Variants in GALNTL5 observed in about 807,000 individuals in gnomAD.
GALNTL5 encodes inactive polypeptide N-acetylgalactosaminyltransferase-like protein 5.
GALNTL5 carries 44 observed loss-of-function variants against 51.0 expected under a neutral mutation model. The ratio of observed to expected loss-of-function variants is 0.86; its 90% CI spans 0.68 to 1.11. GALNTL5 has a LOEUF of 1.11. GALNTL5 is among the 50% of genes least tolerant of loss of function. The pLI is 0.00. For synonymous variants in GALNTL5, 192 were observed against 182.8 expected (o/e 1.05, Z -0.41); for missense variants, 528 against 531.8 (o/e 0.99, Z 0.07).
chr7:152,019,516 A>C, intron 8 of GALNTL5, 130 bp from the exon 9 acceptor site: 1 of 815,928 alleles, frequency 1.2e-6, no homozygotes, highest in South Asian at 1.9e-5. Context: ...CTAGACAGAA[A>C]AAAATTGGGA....
chr7:152,001,216 T>C (rs887039040), intron 5 of GALNTL5, among the ~76,000 whole-genome samples: 4 of 152,006 alleles, frequency 2.6e-5, no homozygotes, highest in African/African-American at 7.3e-5. Flanking sequence ...CCAGCCATTT[T>C]TTTTTTTTCA....
At chr7:151,990,493 A>G (rs1169103202) in intron 5 of GALNTL5, among the ~76,000 whole-genome samples, 1 of 135,844 alleles carries the variant, frequency 7.4e-6, no homozygotes, top group Non-Finnish European at 1.5e-5. Context: ...AGGCAGGAGA[A>G]TGGCGTGAAC....
intron 3 of GALNTL5, among the ~76,000 whole-genome samples, chr7:151,982,322 G>A (rs2081302806): frequency 1.3e-5 from 2 of 152,146 alleles, no homozygotes; most frequent in Non-Finnish European, 2.9e-5. Flanking sequence ...GCTGAGGCAG[G>A]AGAATCGCTT....
chr7:151,990,138 G>A (rs2081409121), intron 5 of GALNTL5, among the ~76,000 whole-genome samples: 1 of 152,028 alleles, frequency 6.6e-6, no homozygotes, highest in East Asian at 2.0e-4. Context: ...CGCCTCCTGG[G>A]TTCAAGTGAT....
At chr7:152,018,081 T>C (rs1586861145) in intron 8 of GALNTL5, among the ~76,000 whole-genome samples, 2 of 152,284 alleles carry the variant, frequency 1.3e-5, no homozygotes, top group East Asian at 3.9e-4. Context: ...CCTGACCTCA[T>C]GATCTGCCTG....
chr7:152,014,523 C>T (rs1444627262), intron 7 of GALNTL5, 121 bp from the exon 8 acceptor site: 2 of 936,606 alleles, frequency 2.1e-6, no homozygotes, highest in African/African-American at 1.7e-5. Flanking sequence ...CTGCCTTGGC[C>T]TCCCAAAATG....
At chr7:152,011,214 G>A (rs182069236) in intron 7 of GALNTL5, among the ~76,000 whole-genome samples, 1 of 152,286 alleles carries the variant, frequency 6.6e-6, no homozygotes, top group African/African-American at 2.4e-5. Flanking sequence ...TTCCATCTGA[G>A]GCCGGCAATG....
rs182649294 is a variant in GALNTL5, at chr7:151,972,780, A to G, written c.368+1715A>G. On this transcript the variant is annotated intron_variant, in intron 3 of 8. Coordinates refer to ENST00000392800, the MANE Select transcript of GALNTL5 (RefSeq NM_145292.4). ...CTTTGGGAGCCTCCACCTAGAATTC[A>G]GAGGATATATGGAAACACCTGGATG... Among the ~76,000 whole-genome samples, 309 of 152,328 alleles carry G rather than the reference A, an allele frequency of 2.0e-3. 4 individuals are homozygous for G. In the Middle Eastern group the frequency reaches 0.037, roughly 18 times the overall value.
At chr7:151,980,737 A>ATTT (rs61288964) in intron 3 of GALNTL5, among the ~76,000 whole-genome samples, 1,170 of 98,862 alleles carry the variant, frequency 0.012, 204 homozygotes, top group African/African-American at 0.033. Flanking sequence ...GCTAACAATG[A>ATTT]TTTTTTTTTT....
Position 152,012,417 on chromosome 7 carries a change from C to T in GALNTL5, c.1027-2227C>T, listed in dbSNP as rs369561541. ...AAACAAAAAAACAAACAGATGCTGG[C>T]GAGGCTGTGGAGAGAAGGGAATGCT... is the stretch of plus-strand genomic sequence containing the variant. On this transcript the variant is annotated intron_variant, in intron 7 of 8. Coordinates refer to ENST00000392800, the MANE Select transcript of GALNTL5 (RefSeq NM_145292.4). Among the ~76,000 whole-genome samples the T allele has an allele frequency of 6.4e-5, 9 of 139,730 alleles. No individual in the cohort carries two copies. In the South Asian group the frequency reaches 9.7e-4, roughly 15 times the overall value. The allele number at this position is 139,730 out of a possible 152,430, so 91.7% of individuals were successfully genotyped here. A position where few individuals can be genotyped will look rare whatever the true frequency, so the allele number is the denominator to read the frequency against.
chr7:151,975,389 G>GT (rs1221115038), intron 3 of GALNTL5, among the ~76,000 whole-genome samples: 2 of 151,916 alleles, frequency 1.3e-5, no homozygotes, highest in East Asian at 1.9e-4. Flanking sequence ...ATGATTCTCT[G>GT]TTTTTTCTGT....
At chr7:151,982,933 A>C in intron 3 of GALNTL5, 53 bp from the exon 4 acceptor site, 1 of 1,613,228 alleles carries the variant, frequency 6.2e-7, no homozygotes, top group South Asian at 1.1e-5. Flanking sequence ...GAGATGACAC[A>C]ACATCCAAGG....
chr7:152,009,335 G>C (rs1023262103), intron 7 of GALNTL5, among the ~76,000 whole-genome samples: 1 of 152,210 alleles, frequency 6.6e-6, no homozygotes, highest in Non-Finnish European at 1.5e-5. Context: ...GTTTTGTAGT[G>C]ATGTCCTTAA....
chr7:151,986,918 G>T (rs797018517), intron 4 of GALNTL5, among the ~76,000 whole-genome samples: 3 of 151,598 alleles, frequency 2.0e-5, no homozygotes, highest in African/African-American at 7.3e-5. Flanking sequence ...TAGAGAGGGG[G>T]TTTTCACCAT....
chr7:152,019,697 A>G lies in GALNTL5; in HGVS notation c.1228A>G (p.Ile410Val), dbSNP rs777426026. The part of the protein sequence containing the change: ...PGLKYVTYGN[I>V]RERVELRKRL... ...TCTGAAATATGTCACCTACGGAAAT[A>G]TTCGCGAGCGTGTTGAGTTAAGGAA... Residue 410 changes from isoleucine (I) to valine (V), a missense_variant, in exon 9 of 9, where the codon ATT (isoleucine) becomes GTT (valine). By Grantham distance (29) the Ile-to-Val change is conservative. Transcript: ENST00000392800. 6.2e-6 allele frequency: 10 copies of G among 1,609,398 alleles called. No homozygotes were observed. The South Asian group carries it at 1.1e-4, about 18-fold the overall frequency.
chr7:152,019,485 G>A (rs569102742), intron 8 of GALNTL5, among the ~76,000 whole-genome samples, 161 bp from the exon 9 acceptor site: 1 of 152,304 alleles, frequency 6.6e-6, no homozygotes, highest in East Asian at 1.9e-4. Flanking sequence ...AGGTCCCATA[G>A]TATGTCTCTG....
At position 151,988,208 on chromosome 7, in the gene GALNTL5, T is replaced by C. The variant is rs961224713; in HGVS notation, c.658+927T>C. ...GGGGCAGGTATGACCTTGGTAGCCA[T>C]GGCTGGCCAAGGGCAGTTTCTGGGG... On this transcript the variant is annotated intron_variant, in intron 5 of 8. Coordinates refer to ENST00000392800, the MANE Select transcript of GALNTL5 (RefSeq NM_145292.4). 2.0e-5 allele frequency among the ~76,000 whole-genome samples: 3 copies of C among 152,188 alleles called. No homozygotes were observed. In the East Asian group the frequency reaches 5.8e-4, roughly 29 times the overall value.
chr7:152,001,821 C>T (rs1273141774), intron 5 of GALNTL5, among the ~76,000 whole-genome samples: 1 of 152,050 alleles, frequency 6.6e-6, no homozygotes, highest in Non-Finnish European at 1.5e-5. Context: ...GGGTTATTGC[C>T]ATATTAAGTC....
At chr7:151,980,768 T>A (rs11760367) in intron 3 of GALNTL5, among the ~76,000 whole-genome samples, 2 of 104,470 alleles carry the variant, frequency 1.9e-5, no homozygotes, top group East Asian at 2.7e-4. Flanking sequence ...TTTTTTGAGA[T>A]GGAGTCTCGC....
Sources: gnomAD v4.1 joint callset for allele counts (sites outside exome capture counted in the v4.1 genomes callset) on GRCh38, gnomAD v4.1.1 for gene constraint, MANE v1.5 for transcripts, NCBI Gene and HGNC (gene_info 2026-07-23, HGNC 2026-07-21) for gene names.